The following BPIFB4 variants were observed in gnomAD, a reference collection of about 807,000 sequenced individuals.
BPIFB4 encodes the protein BPI fold-containing family B member 4.
BPIFB4 carries 62 observed loss-of-function variants against 69.2 expected under a neutral mutation model. The observed-to-expected ratio is 0.90, with a 90% CI of 0.73 to 1.11. BPIFB4 has a LOEUF of 1.11. BPIFB4 is among the 50% of genes least tolerant of loss of function. The pLI is 0.00. For missense variants in BPIFB4, 789 were observed against 792.0 expected (o/e 1.00, Z 0.04); for synonymous variants, 330 against 332.7 (o/e 0.99, Z 0.09).
chr20:33,111,528 C>T lies in BPIFB4; in HGVS notation c.*91C>T. On this transcript the variant is annotated 3_prime_UTR_variant, in exon 18 of 18. Transcript: ENST00000375483. ...TGGAAACAGTCCCCTGCCCAGAGTCCCCTCAGCCTCCATGACAGGTCCCTC... is the reference window on the plus strand; with the variant it reads ...TGGAAACAGTCCCCTGCCCAGAGTCTCCTCAGCCTCCATGACAGGTCCCTC... The T allele has an allele frequency of 6.6e-7, 1 of 1,512,678 alleles. No individual in the cohort carries two copies. The highest frequency in any genetic ancestry group is 9.1e-7 in the Non-Finnish European group (1 of 1,097,202). 93.7% of individuals were successfully genotyped at this position (1,512,678 alleles called of 1,614,324 possible).
At position 33,083,780 on chromosome 20, in the gene BPIFB4, G is replaced by A. The variant is rs2146402675; in HGVS notation, c.583G>A (p.Gly195Ser). The part of the protein sequence containing the change: ...AGQGGLLGGG[G>S]LLGDGGLLGG... ...CCAAGGTGGCCTGCTCGGCGGAGGT[G>A]GTCTCCTTGGTGATGGAGGACTTCT... Residue 195 changes from glycine to serine, a missense_variant, in exon 5 of 18, where the codon GGT (glycine) becomes AGT (serine). By Grantham distance (56) the Gly-to-Ser change is moderately conservative. This residue lies in a region of BPIFB4 where 611 missense variants were observed against 575.4 expected (regional missense o/e 1.06). Transcript: ENST00000375483. 11 of 1,613,746 alleles carry A rather than the reference G, an allele frequency of 6.8e-6. No individual in the cohort carries two copies. Among genetic ancestry groups the A allele is most frequent in the Non-Finnish European group, 9.3e-6 (11 of 1,179,764 alleles).
intron 11 of BPIFB4, among the ~76,000 whole-genome samples, chr20:33,093,957 C>T (rs1568585804): frequency 1.3e-5 from 2 of 152,160 alleles, no homozygotes; most frequent in Non-Finnish European, 2.9e-5. Flanking sequence ...TGTCTGTCTC[C>T]CTGTCTGTCT....
chr20:33,092,502 G>A lies in BPIFB4; in HGVS notation c.1188G>A (p.Leu396=). 1 of 1,614,130 alleles carries A rather than the reference G, an allele frequency of 6.2e-7. No individual in the cohort carries two copies. Among genetic ancestry groups the A allele is most frequent in the Non-Finnish European group, 8.5e-7 (1 of 1,180,028 alleles). The change falls in exon 11 of 18, where the codon TTG becomes TTA. Residue 396 remains leucine, a synonymous_variant. Transcript: ENST00000375483. ...EAGGGLIDYP[L]GWPAVSPKPM... ...GAGGAGGACTCATCGACTACCCATT[G>A]GGGTGGCCAGCTGTGTCTCCCAAGC...
Position 33,097,617 on chromosome 20 carries a change from G to A in BPIFB4, c.1399G>A (p.Val467Met). Residue 467 changes from valine to methionine, a missense_variant and splice_region_variant, in exon 13 of 18, where the codon GTG becomes ATG. Val to Met is a conservative substitution (Grantham distance 21, BLOSUM62 1). This residue lies in a region of BPIFB4 where 170 missense variants were observed against 193.6 expected (regional missense o/e 0.88). Transcript: ENST00000375483. ...TATLGALIPK[V>M]FQQYPESCPL... ...CATCTGGCCTGGTGCCTGCCCACAG[G>A]TGTTCCAGCAGTACCCCGAGTCCTG... The A allele has an allele frequency of 6.2e-7, 1 of 1,613,636 alleles. No homozygotes were observed. The highest frequency in any genetic ancestry group is 1.1e-5 in the South Asian group (1 of 91,056).
At chr20:33,100,612 G>A (rs1319353436) in intron 14 of BPIFB4, 119 bp downstream of exon 14, 4 of 885,670 alleles carry the variant, frequency 4.5e-6, no homozygotes, top group African/African-American at 1.7e-5. Context: ...CCAAGGGGCT[G>A]CAAAGGTGAC....
At chr20:33,087,629 G>A (rs892876287) in intron 7 of BPIFB4, among the ~76,000 whole-genome samples, 10 of 151,810 alleles carry the variant, frequency 6.6e-5, no homozygotes, top group Non-Finnish European at 1.5e-4. Context: ...TTTCACAGGA[G>A]GGTCGATGAA....
chr20:33,103,786 G>A (rs766360675), intron 15 of BPIFB4, among the ~76,000 whole-genome samples: 8 of 152,286 alleles, frequency 5.3e-5, no homozygotes, highest in East Asian at 1.9e-4. Flanking sequence ...CTGTGAAGCC[G>A]ATCTTGCCAG....
intron 3 of BPIFB4, 50 bp downstream of exon 3, chr20:33,081,682 G>A (rs1191259047): frequency 1.9e-6 from 3 of 1,544,034 alleles, no homozygotes; most frequent in Non-Finnish European, 2.6e-6. Flanking sequence ...GAGCAGGGCA[G>A]CTCTGCCAAC....
Position 33,101,064 on chromosome 20 carries a change from T to G in BPIFB4, c.1637+571T>G, listed in dbSNP as rs565360417. 5.3e-5 allele frequency among the ~76,000 whole-genome samples: 8 copies of G among 152,148 alleles called. No individual in the cohort carries two copies. The South Asian group carries it at 1.0e-3, about 20-fold the overall frequency. On this transcript the variant is annotated intron_variant, in intron 14 of 17. Transcript: ENST00000375483. ...TGTCTCTAAGTAACAGTGATGATGA[T>G]GAGGAGGAGGACGAGGAGGAGGAGG...
rs1981314290 is a variant in BPIFB4 at position 33,083,540 on chromosome 20, A to C, written c.343A>C (p.Ile115Leu). The change falls in exon 5 of 18, where the codon ATC becomes CTC. Residue 115 changes from isoleucine (I) to leucine (L), a missense_variant. This residue lies in a region of BPIFB4 where 611 missense variants were observed against 575.4 expected (regional missense o/e 1.06). Coordinates refer to ENST00000375483, the MANE Select transcript of BPIFB4 (RefSeq NM_182519.3). ...TGAGATCCTTGAGTCCGAGGGAAGC[A>C]TCAGGGACCTCCGAAACAGTGGCTA... ...YGEILESEGSIRDLRNSGYRS... is the reference protein window; with the variant it reads ...YGEILESEGSLRDLRNSGYRS... 6.2e-7 allele frequency: 1 copy of C among 1,614,058 alleles called. No individual in the cohort carries two copies. The highest frequency in any genetic ancestry group is 1.7e-5 in the Admixed American group (1 of 60,028).
intron 16 of BPIFB4, 45 bp from the exon 17 acceptor site, chr20:33,107,699 A>G: frequency 6.9e-7 from 1 of 1,459,846 alleles, no homozygotes; most frequent in Non-Finnish European, 9.6e-7. Context: ...TGAGACCAAC[A>G]CCTCTTGGAC....
intron 16 of BPIFB4, among the ~76,000 whole-genome samples, chr20:33,106,728 A>G (rs1393614853): frequency 6.6e-6 from 1 of 151,988 alleles, no homozygotes; most frequent in Non-Finnish European, 1.5e-5. Flanking sequence ...TCTCTAATAG[A>G]GCAGTTCGGA....
chr20:33,105,861 C>T lies in BPIFB4; in HGVS notation c.1744+988C>T, dbSNP rs138549137. Among the ~76,000 whole-genome samples the T allele has an allele frequency of 4.3e-4, 66 of 152,254 alleles. No individual in the cohort carries two copies. In the East Asian group the frequency reaches 0.011, roughly 26 times the overall value. On this transcript the variant is annotated intron_variant, in intron 16 of 17. Coordinates refer to ENST00000375483, the MANE Select transcript of BPIFB4 (RefSeq NM_182519.3). ...GGAAGAGACGGAGCGTCTTGCCTGG[C>T]TTAATCACTAAGAGTGGTGTGAACT...
intron 15 of BPIFB4, among the ~76,000 whole-genome samples, chr20:33,104,502 C>T (rs992323821): frequency 1.3e-5 from 2 of 152,192 alleles, no homozygotes; most frequent in African/African-American, 4.8e-5. Context: ...CCAGGCCACC[C>T]TGAAACCTGT....
At chr20:33,094,761 G>GATC (rs1981709646) in intron 11 of BPIFB4, among the ~76,000 whole-genome samples, 1 of 152,174 alleles carries the variant, frequency 6.6e-6, no homozygotes, top group African/African-American at 2.4e-5. Context: ...ACCTGCCTCG[G>GATC]CCTCCCAAAG....
At chr20:33,110,744 C>T (rs1982211138) in intron 17 of BPIFB4, among the ~76,000 whole-genome samples, 1 of 140,650 alleles carries the variant, frequency 7.1e-6, no homozygotes, top group Non-Finnish European at 1.5e-5. Flanking sequence ...TCGATAGAGA[C>T]TCACGAATTT....
At chr20:33,086,902 C>T (rs1008183466) in intron 7 of BPIFB4, among the ~76,000 whole-genome samples, 1 of 152,188 alleles carries the variant, frequency 6.6e-6, no homozygotes, top group Non-Finnish European at 1.5e-5. Flanking sequence ...CTGTTCACTC[C>T]CTGCCCTCTT....
chr20:33,092,857 G>T (rs1981648532), intron 11 of BPIFB4, among the ~76,000 whole-genome samples, 199 bp downstream of exon 11: 1 of 152,178 alleles, frequency 6.6e-6, no homozygotes. Flanking sequence ...ATTTCAGGTG[G>T]TCCACAGACC....
intron 5 of BPIFB4, 59 bp downstream of exon 5, chr20:33,083,933 C>T: frequency 6.6e-7 from 1 of 1,519,180 alleles, no homozygotes; most frequent in Non-Finnish European, 8.8e-7. Flanking sequence ...TGGGGGTGAT[C>T]ACTCCCTGAA....
Sources: gnomAD v4.1 joint callset for allele counts (sites outside exome capture counted in the v4.1 genomes callset) on GRCh38, gnomAD v4.1.1 for gene constraint, gnomAD v4.1.1 regional missense constraint, MANE v1.5 for transcripts, NCBI Gene and HGNC (gene_info 2026-07-23, HGNC 2026-07-21) for gene names.